The following ULK4 variants were observed in gnomAD, a reference collection of about 807,000 sequenced individuals.
The protein encoded by ULK4 is unc-51 like kinase 4.
In ULK4, 133 loss-of-function variants were observed where a neutral mutation model predicts 160.6. That is an observed-to-expected ratio of 0.83 (90% CI 0.72 to 0.96). The LOEUF is 0.96. Among genes scored for constraint, ULK4 ranks in the 40% least tolerant of loss-of-function variants. The pLI, the probability that ULK4 is intolerant of heterozygous loss-of-function variation, is 0.00. For synonymous variants in ULK4, 534 were observed against 539.8 expected, an observed-to-expected ratio of 0.99 and a Z score of 0.15; for missense variants, 1,580 against 1,499.5, an observed-to-expected ratio of 1.05 and a Z score of -0.89.
At chr3:41,433,783 G>A (rs552433167) in intron 34 of ULK4, among the ~76,000 whole-genome samples, 48 of 152,192 alleles carry the variant, frequency 3.2e-4, no homozygotes, top group African/African-American at 1.1e-3. Context: ...GCAATGGCGC[G>A]ATCCAGGCTC....
At chr3:41,908,428 C>G (rs1487669041) in intron 11 of ULK4, among the ~76,000 whole-genome samples, 1 of 152,008 alleles carries the variant, frequency 6.6e-6, no homozygotes, top group East Asian at 1.9e-4. Flanking sequence ...TTTCCTGGAT[C>G]CATGGTTTTG....
At chr3:41,479,559 G>A (rs2084249746) in intron 32 of ULK4, among the ~76,000 whole-genome samples, 1 of 152,026 alleles carries the variant, frequency 6.6e-6, no homozygotes, top group Non-Finnish European at 1.5e-5. Context: ...TAGAATGGAG[G>A]AAGAAAGGCA....
chr3:41,700,780 A>G (rs1234694184), intron 27 of ULK4, among the ~76,000 whole-genome samples: 1 of 152,206 alleles, frequency 6.6e-6, no homozygotes, highest in African/African-American at 2.4e-5. Context: ...CTGATATTAG[A>G]ATTACCACAT....
chr3:41,732,486 T>C (rs953650344), intron 22 of ULK4, among the ~76,000 whole-genome samples: 2 of 152,218 alleles, frequency 1.3e-5, no homozygotes, highest in South Asian at 4.1e-4. Flanking sequence ...TTGGCATAGA[T>C]GTGAAGAAAG....
At chr3:41,862,760 A>G (rs1483480367) in intron 17 of ULK4, among the ~76,000 whole-genome samples, 1 of 144,922 alleles carries the variant, frequency 6.9e-6, no homozygotes, top group Non-Finnish European at 1.5e-5. Context: ...AGAGTCAGTC[A>G]GTCAGTCTCT....
intron 32 of ULK4, among the ~76,000 whole-genome samples, chr3:41,506,806 A>ATG: frequency 8.4e-6 from 1 of 119,378 alleles, no homozygotes; most frequent in Non-Finnish European, 1.7e-5. Context: ...ATATATATAT[A>ATG]TGAACATGTT....
intron 32 of ULK4, among the ~76,000 whole-genome samples, chr3:41,494,263 G>A (rs1180459456): frequency 3.7e-5 from 4 of 108,496 alleles, no homozygotes; most frequent in East Asian, 4.2e-4. Context: ...TGGGATGCAA[G>A]GCTGGTTCAA....
chr3:41,661,519 G>A (rs1439125252), intron 30 of ULK4, among the ~76,000 whole-genome samples: 1 of 139,182 alleles, frequency 7.2e-6, no homozygotes, highest in Non-Finnish European at 1.5e-5. Context: ...ATGATAGATA[G>A]ATAGATAGAT....
intron 34 of ULK4, among the ~76,000 whole-genome samples, chr3:41,449,029 T>C (rs566509910): frequency 6.6e-6 from 1 of 152,272 alleles, no homozygotes; most frequent in Admixed American, 6.5e-5. Flanking sequence ...GCAATTCTCC[T>C]GCCTCAGTCT....
intron 30 of ULK4, among the ~76,000 whole-genome samples, chr3:41,643,121 T>G (rs1009314031): frequency 6.6e-6 from 1 of 152,176 alleles, no homozygotes; most frequent in African/African-American, 2.4e-5. Context: ...GTTGTGAAAA[T>G]TTTCTCCCAT....
At chr3:41,896,229 A>C (rs1369076737) in intron 15 of ULK4, among the ~76,000 whole-genome samples, 1 of 152,082 alleles carries the variant, frequency 6.6e-6, no homozygotes, top group Non-Finnish European at 1.5e-5. Context: ...AGAAGGTAAA[A>C]GGTCTGTCTT....
chr3:41,396,140 A>G (rs188003336), intron 35 of ULK4, among the ~76,000 whole-genome samples: 1 of 152,298 alleles, frequency 6.6e-6, no homozygotes, highest in African/African-American at 2.4e-5. Flanking sequence ...GTTCAAAAAC[A>G]CATACGGTAG....
At chr3:41,532,290 G>C (rs1472580617) in intron 32 of ULK4, among the ~76,000 whole-genome samples, 1 of 152,080 alleles carries the variant, frequency 6.6e-6, no homozygotes, top group Non-Finnish European at 1.5e-5. Context: ...TATCTGCATG[G>C]CTTGCTGCTT....
At chr3:41,693,553 A>G (rs1206945043) in intron 27 of ULK4, among the ~76,000 whole-genome samples, 5 of 152,206 alleles carry the variant, frequency 3.3e-5, no homozygotes. Flanking sequence ...CAAAATGCAA[A>G]AGAACATATA....
chr3:41,688,633 G>A (rs2036180055), intron 27 of ULK4, among the ~76,000 whole-genome samples: 1 of 152,102 alleles, frequency 6.6e-6, no homozygotes, highest in African/African-American at 2.4e-5. Context: ...ATTTGTTTTT[G>A]TATCCTAGTT....
At chr3:41,349,969 T>C (rs1019392130) in intron 35 of ULK4, among the ~76,000 whole-genome samples, 4 of 152,226 alleles carry the variant, frequency 2.6e-5, no homozygotes, top group Admixed American at 1.3e-4. Flanking sequence ...TTAATGTGAA[T>C]ATAAATTCTC....
chr3:41,823,864 T>C (rs2041237871), intron 18 of ULK4, among the ~76,000 whole-genome samples: 1 of 152,194 alleles, frequency 6.6e-6, no homozygotes, highest in African/African-American at 2.4e-5. Context: ...TTGTATTCAG[T>C]TAAAGTATAT....
At chr3:41,388,725 T>C (rs867939093) in intron 35 of ULK4, among the ~76,000 whole-genome samples, 16 of 152,130 alleles carry the variant, frequency 1.1e-4, no homozygotes, top group Non-Finnish European at 2.4e-4. Context: ...TTCTGTTCCA[T>C]TGATCTATAT....
chr3:41,857,962 G>C (rs2042400401), intron 17 of ULK4, among the ~76,000 whole-genome samples: 1 of 151,744 alleles, frequency 6.6e-6, no homozygotes, highest in Non-Finnish European at 1.5e-5. Context: ...ATTTATTTCT[G>C]CTCTGATCTT....
Sources: gnomAD v4.1 joint callset for allele counts (sites outside exome capture counted in the v4.1 genomes callset) on GRCh38, gnomAD v4.1.1 for gene constraint, MANE v1.5 for transcripts, NCBI Gene and HGNC (gene_info 2026-07-23, HGNC 2026-07-21) for gene names.